The following CCDC171 variants were observed in gnomAD, a reference collection of about 807,000 sequenced individuals.
The protein encoded by CCDC171 is coiled-coil domain containing 171.
In CCDC171, 177 loss-of-function variants were observed where a neutral mutation model predicts 168.2. The ratio of observed to expected loss-of-function variants is 1.05; its 90% CI spans 0.93 to 1.19. CCDC171 has a LOEUF of 1.19. Ranked by LOEUF, CCDC171 falls within the 50% of genes most tolerant of loss-of-function variation. The pLI, the probability that CCDC171 is intolerant of heterozygous loss-of-function variation, is 0.00. For synonymous variants in CCDC171, 687 were observed against 540.8 expected (o/e 1.27, Z -3.75); for missense variants, 1,991 against 1,539.0 (o/e 1.29, Z -4.91).
chr9:15,778,623 C>T (rs62571302), intron 19 of CCDC171, among the ~76,000 whole-genome samples: 1 of 124,556 alleles, frequency 8.0e-6, no homozygotes, highest in Non-Finnish European at 1.6e-5. Context: ...TCCAGCCTGG[C>T]CTACAGAGTA....
chr9:16,101,239 T>C, the CCDC171 span, among the ~76,000 whole-genome samples: 1 of 152,200 alleles, frequency 6.6e-6, no homozygotes, highest in Non-Finnish European at 1.5e-5. Flanking sequence ...CCAGGTAACA[T>C]ACAGGGCACC....
intron 18 of CCDC171, among the ~76,000 whole-genome samples, chr9:15,759,951 G>C (rs925884325): frequency 6.6e-6 from 1 of 152,080 alleles, no homozygotes; most frequent in Non-Finnish European, 1.5e-5. Flanking sequence ...TTGACTCATT[G>C]TCCTTTGAAT....
At chr9:15,609,858 G>A (rs942972909) in intron 6 of CCDC171, among the ~76,000 whole-genome samples, 2 of 152,090 alleles carry the variant, frequency 1.3e-5, no homozygotes, top group Non-Finnish European at 2.9e-5. Context: ...ATGGCTTATT[G>A]TATTCCATCA....
intron 7 of CCDC171, among the ~76,000 whole-genome samples, chr9:15,649,180 A>G (rs1335423046): frequency 6.6e-6 from 1 of 152,192 alleles, no homozygotes; most frequent in Non-Finnish European, 1.5e-5. Context: ...GGTGCTGGGA[A>G]AACTGGCTAG....
intron 21 of CCDC171, among the ~76,000 whole-genome samples, chr9:15,842,834 AAATAT>A (rs1444734607): frequency 1.3e-5 from 2 of 151,926 alleles, no homozygotes; most frequent in African/African-American, 4.8e-5. Context: ...GAAGCTTTAG[AAATAT>A]AATATTATGT....
chr9:15,905,435 T>G (rs1040177567), intron 24 of CCDC171, among the ~76,000 whole-genome samples: 1 of 151,976 alleles, frequency 6.6e-6, no homozygotes, highest in African/African-American at 2.4e-5. Flanking sequence ...GGGTACATAA[T>G]GAAATGAGGG....
intron 11 of CCDC171, among the ~76,000 whole-genome samples, chr9:15,701,120 C>T (rs987795808): frequency 2.6e-5 from 4 of 151,864 alleles, no homozygotes; most frequent in African/African-American, 9.7e-5. Flanking sequence ...TGTTTGAGTT[C>T]CTTGTGTATT....
intron 21 of CCDC171, among the ~76,000 whole-genome samples, chr9:15,812,909 C>T (rs2059416898): frequency 6.6e-6 from 1 of 152,196 alleles, no homozygotes; most frequent in Admixed American, 6.5e-5. Context: ...GGTTGCTGTA[C>T]TATGAGGACC....
intron 3 of CCDC171, among the ~76,000 whole-genome samples, chr9:15,576,140 T>TGTGC (rs1398441422): frequency 2.0e-5 from 3 of 150,684 alleles, no homozygotes; most frequent in African/African-American, 7.3e-5. Flanking sequence ...CAGTTGTGTG[T>TGTGC]GTGTGTGTGT....
At chr9:15,581,929 A>G (rs914608137) in intron 4 of CCDC171, among the ~76,000 whole-genome samples, 1 of 152,222 alleles carries the variant, frequency 6.6e-6, no homozygotes. Context: ...AAATAGACAA[A>G]TGGGATCTAA....
chr9:15,641,845 A>G (rs1198703402), intron 7 of CCDC171, among the ~76,000 whole-genome samples: 1 of 152,208 alleles, frequency 6.6e-6, no homozygotes, highest in East Asian at 1.9e-4. Context: ...ATGACAAAAT[A>G]TGTGATAACT....
chr9:15,675,471 T>C (rs764853130), intron 9 of CCDC171, among the ~76,000 whole-genome samples: 5 of 152,148 alleles, frequency 3.3e-5, no homozygotes, highest in African/African-American at 4.8e-5. Context: ...CTAGCCTTGA[T>C]AGTCTTTACA....
chr9:15,677,002 T>G (rs1299059019), intron 9 of CCDC171, among the ~76,000 whole-genome samples: 1 of 152,202 alleles, frequency 6.6e-6, no homozygotes, highest in East Asian at 1.9e-4. Flanking sequence ...AGAATCATTT[T>G]TTGTTCCCAG....
intron 11 of CCDC171, among the ~76,000 whole-genome samples, chr9:15,701,308 T>C (rs770684878): frequency 1.3e-5 from 2 of 152,232 alleles, no homozygotes; most frequent in Non-Finnish European, 2.9e-5. Flanking sequence ...AGCCATAAAA[T>C]CTTTGCCTAG....
intron 4 of CCDC171, among the ~76,000 whole-genome samples, chr9:15,582,610 G>T (rs531419175): frequency 2.6e-5 from 4 of 152,084 alleles, no homozygotes; most frequent in Admixed American, 1.3e-4. Context: ...CCATAAAAAA[G>T]GATGAGTTCA....
Position 15,775,514 on chromosome 9 carries a change from T to G in CCDC171, c.2672-2086T>G, listed in dbSNP as rs149198090. 9.7e-3 allele frequency among the ~76,000 whole-genome samples: 1,470 copies of G among 152,296 alleles called. 27 individuals carry two copies. The highest frequency in any genetic ancestry group is 0.034 in the African/African-American group (1,405 of 41,554). ...TTTGTATTTTTAGTAGAGACAAGGT[T>G]TCACTGTTTTAGCCAGGATGGTCTC... On this transcript the variant is annotated intron_variant, in intron 18 of 25. Coordinates refer to ENST00000380701, the MANE Select transcript of CCDC171 (RefSeq NM_173550.4).
At chr9:16,012,112 G>A in intron 3 of CCDC171, among the ~76,000 whole-genome samples, 1 of 152,222 alleles carries the variant, frequency 6.6e-6, no homozygotes, top group Non-Finnish European at 1.5e-5. Context: ...TAGGAGATAA[G>A]TAAATTCTGG....
intron 11 of CCDC171, among the ~76,000 whole-genome samples, chr9:15,701,235 A>G (rs2051710433): frequency 1.3e-5 from 2 of 152,048 alleles, no homozygotes; most frequent in African/African-American, 4.8e-5. Context: ...GGCAGAAGCT[A>G]TGTAGTTTAA....
At chr9:15,579,203 T>A (rs374993075) in intron 4 of CCDC171, among the ~76,000 whole-genome samples, 180 bp downstream of exon 4, 3 of 152,346 alleles carry the variant, frequency 2.0e-5, no homozygotes, top group Admixed American at 1.3e-4. Context: ...TTGTGAACAT[T>A]TATCTACTTT....
Sources: gnomAD v4.1 joint callset for allele counts (sites outside exome capture counted in the v4.1 genomes callset) on GRCh38, gnomAD v4.1.1 for gene constraint, MANE v1.5 for transcripts, NCBI Gene and HGNC (gene_info 2026-07-23, HGNC 2026-07-21) for gene names.